Variants in SLK observed in about 807,000 individuals in gnomAD.
SLK encodes STE20 like kinase, also known as STE20-like serine/threonine-protein kinase.
In SLK, 67 loss-of-function variants were observed where a neutral mutation model predicts 147.7. The observed-to-expected ratio is 0.45, with a 90% CI of 0.37 to 0.56. The LOEUF (loss-of-function observed/expected upper bound fraction) is 0.56, where lower values mean the gene tolerates loss of function less well. Among genes scored for constraint, SLK ranks in the 20% least tolerant of loss-of-function variants. The pLI, the probability that SLK is intolerant of heterozygous loss-of-function variation, is 0.00. For synonymous variants in SLK, 441 were observed against 475.0 expected, an observed-to-expected ratio of 0.93 and a Z score of 0.93; for missense variants, 1,136 against 1,438.8, an observed-to-expected ratio of 0.79 and a Z score of 3.41.
intron 13 of SLK, among the ~76,000 whole-genome samples, chr10:104,012,597 T>A (rs796787663): frequency 1.2e-4 from 18 of 152,326 alleles, no homozygotes; most frequent in African/African-American, 4.3e-4. Context: ...GAAGGCTGAG[T>A]GACCCTCCCA....
Position 104,005,746 on chromosome 10 carries a change from G to C in SLK, c.2480+55G>C, listed in dbSNP as rs548169077. On this transcript the variant is annotated intron_variant, in intron 10 of 18. Transcript: ENST00000369755. ...GGTTTGTGACTTCTTTTCAGTCTCT[G>C]AAAAGTCAGAAGAATAGAGAAACAA... 5.3e-4 allele frequency: 825 copies of C among 1,560,790 alleles called. 8 individuals are homozygous for C. The South Asian group carries it at 9.0e-3, about 17-fold the overall frequency.
intron 4 of SLK, among the ~76,000 whole-genome samples, chr10:103,996,426 T>C (rs892119393): frequency 7.2e-6 from 1 of 138,342 alleles, no homozygotes; most frequent in Non-Finnish European, 1.5e-5. Context: ...TGAGACGGAG[T>C]CTTGCTCTTT....
At chr10:103,995,241 T>G (rs1282092906) in intron 4 of SLK, among the ~76,000 whole-genome samples, 5 of 152,032 alleles carry the variant, frequency 3.3e-5, no homozygotes, top group Non-Finnish European at 5.9e-5. Flanking sequence ...TTATTCTTAT[T>G]GAAGCTCATG....
chr10:104,007,576 C>G (rs942809816), intron 11 of SLK, among the ~76,000 whole-genome samples: 1 of 151,680 alleles, frequency 6.6e-6, no homozygotes, highest in Middle Eastern at 3.2e-3. Flanking sequence ...CCACTGCACT[C>G]CAGCCTGGGC....
chr10:104,010,901 A>T lies in SLK; in HGVS notation c.2870A>T (p.His957Leu). 1 of 1,578,404 alleles carries T rather than the reference A, an allele frequency of 6.3e-7. No individual in the cohort carries two copies. Among genetic ancestry groups the T allele is most frequent in the Non-Finnish European group, 8.6e-7 (1 of 1,168,934 alleles). The change falls in exon 13 of 19, where the codon CAT (histidine) becomes CTT (leucine). Residue 957 changes from histidine (H) to leucine (L), a missense_variant. Physicochemically the swap from His to Leu is moderately conservative, Grantham distance 99. Transcript: ENST00000369755. Reference protein sequence around the residue: ...RRKEELAQSQHAQEQEFVQKQ... With the variant: ...RRKEELAQSQLAQEQEFVQKQ... ...AAAGAGGAGCTTGCACAAAGCCAGC[A>T]TGCTCAGGTAACAGCAGCAGCTTAA... is the stretch of plus-strand genomic sequence containing the variant.
In SLK at chr10:104,016,365, T is replaced by C. The variant is rs1175596287; in HGVS notation, c.2878-1795T>C. ...TACAATTGAAATTAGAGAAACAGTT[T>C]AATTTTGTTACAAATAGTAGGAAAA... is the stretch of plus-strand genomic sequence containing the variant. On this transcript the variant is annotated intron_variant, in intron 13 of 18. Transcript: ENST00000369755. Among the ~76,000 whole-genome samples the C allele has an allele frequency of 2.0e-5, 3 of 152,088 alleles. No homozygotes were observed. The South Asian group carries it at 6.2e-4, about 31-fold the overall frequency.
At chr10:103,997,743 A>G (rs1844194496) in intron 4 of SLK, among the ~76,000 whole-genome samples, 1 of 151,964 alleles carries the variant, frequency 6.6e-6, no homozygotes, top group Non-Finnish European at 1.5e-5. Context: ...CGCCTTTCAG[A>G]ATTTTTCTAA....
intron 9 of SLK, among the ~76,000 whole-genome samples, chr10:104,004,058 T>A (rs1364149077): frequency 1.3e-5 from 2 of 151,178 alleles, no homozygotes; most frequent in Non-Finnish European, 2.9e-5. Context: ...TATGTAGAAG[T>A]CTGGAGTGGG....
chr10:104,005,894 A>G lies in SLK; in HGVS notation c.2481-18A>G, dbSNP rs556028352. On this transcript the variant is annotated intron_variant, in intron 10 of 18. Coordinates refer to ENST00000369755, the MANE Select transcript of SLK (RefSeq NM_014720.4). The stretch of plus-strand genomic sequence containing the variant: ...AATTTTTGCTGTCTTCTCTATCATT[A>G]CCATTAAATTTTATCAGACGTCAGG... The G allele has an allele frequency of 6.3e-7, 1 of 1,592,208 alleles. No homozygotes were observed. The highest frequency in any genetic ancestry group is 1.9e-5 in the Admixed American group (1 of 52,198).
intron 1 of SLK, among the ~76,000 whole-genome samples, chr10:103,988,977 A>G (rs1459952165): frequency 6.6e-6 from 1 of 152,186 alleles, no homozygotes. Flanking sequence ...GTGATTTGAA[A>G]TGCTGTCCCC....
At chr10:104,010,651 T>G (rs1410934482) in intron 12 of SLK, among the ~76,000 whole-genome samples, 165 bp from the exon 13 acceptor site, 1 of 152,218 alleles carries the variant, frequency 6.6e-6, no homozygotes, top group African/African-American at 2.4e-5. Context: ...ATTATGCATG[T>G]TCTCTTCTTT....
At chr10:103,971,450 A>G (rs1002892647) in intron 1 of SLK, among the ~76,000 whole-genome samples, 2 of 152,032 alleles carry the variant, frequency 1.3e-5, no homozygotes, top group African/African-American at 4.8e-5. Flanking sequence ...AATTTTTTGT[A>G]TTTTTAGTAG....
Position 104,028,890 on chromosome 10 carries a change from C to CT in SLK, c.*3174dup, listed in dbSNP as rs1479953187. The CT allele has an allele frequency of 6.6e-6, 1 of 152,160 alleles. No homozygotes were observed. The highest frequency in any genetic ancestry group is 1.5e-5 in the Non-Finnish European group (1 of 68,036). The allele number at this position is 152,160 out of a possible 1,614,324, so 9.4% of individuals were successfully genotyped here. On this transcript the variant is annotated 3_prime_UTR_variant, in exon 19 of 19. Transcript: ENST00000369755. ...TCTAATAGTCTTTTGATTAACAATTCTTTTCTGAGAAATGATTTTTATAAG... is the reference window on the plus strand; with the variant it reads ...TCTAATAGTCTTTTGATTAACAATTCTTTTTCTGAGAAATGATTTTTATAAG...
At chr10:103,974,620 A>AAG (rs1440828248) in intron 1 of SLK, 3 of 91,058 alleles carry the variant, frequency 3.3e-5, no homozygotes, top group African/African-American at 1.1e-4. Context: ...GTCTCAAAAA[A>AAG]AAAAAAAAAA....
At chr10:103,992,761 A>AATACCTTTTC in intron 3 of SLK, 115 bp downstream of exon 3, 1 of 202,860 alleles carries the variant, frequency 4.9e-6, no homozygotes, top group Middle Eastern at 1.6e-3. Flanking sequence ...AAGTTCAGTA[A>AATACCTTTTC]GTTAACTCAA....
At chr10:104,024,173 A>G (rs1372116810) in intron 18 of SLK, among the ~76,000 whole-genome samples, 1 of 152,026 alleles carries the variant, frequency 6.6e-6, no homozygotes, top group Non-Finnish European at 1.5e-5. Flanking sequence ...ATTAATTTGG[A>G]CTCTTTTTCA....
rs762157957 is a variant in SLK, at chr10:104,002,226, GAA to G, written c.1049_1050del (p.Glu350GlyfsTer2). 6.2e-7 allele frequency: 1 copy of G among 1,609,326 alleles called. No individual in the cohort carries two copies. The highest frequency in any genetic ancestry group is 8.5e-7 in the Non-Finnish European group (1 of 1,176,900). On this transcript the variant is annotated frameshift_variant, in exon 9 of 19. Coordinates refer to ENST00000369755, the MANE Select transcript of SLK (RefSeq NM_014720.4). LOFTEE classifies it high-confidence loss of function. Reference protein sequence around the residue: ...SSDLSIASSEEDKLSQNACIL... With the variant: ...SSDLSIASSEXDKLSQNACIL... ...TGACCTTAGTATCGCCAGCTCTGAA[GAA>G]GATAAACTTTCACAAAATGCTTGTA...
chr10:103,976,846 A>G (rs959523210), intron 1 of SLK, among the ~76,000 whole-genome samples: 3 of 152,156 alleles, frequency 2.0e-5, no homozygotes, highest in Non-Finnish European at 4.4e-5. Context: ...ATAAGTGGAA[A>G]CATACAATAT....
chr10:103,996,501 C>G (rs190304942), intron 4 of SLK, among the ~76,000 whole-genome samples: 1,577 of 151,390 alleles, frequency 0.01, 12 homozygotes, highest in Middle Eastern at 0.048. Context: ...CGGGTTCACG[C>G]CATTCTCCTG....
Sources: gnomAD v4.1 joint callset for allele counts (sites outside exome capture counted in the v4.1 genomes callset) on GRCh38, gnomAD v4.1.1 for gene constraint, MANE v1.5 for transcripts, NCBI Gene and HGNC (gene_info 2026-07-23, HGNC 2026-07-21) for gene names.